KDM4C: variants seen among roughly 807,000 people sequenced by gnomAD.
The protein encoded by KDM4C is lysine-specific demethylase 4C.
A neutral mutation model predicts 129.3 loss-of-function variants in KDM4C; 81 were observed. That is an observed-to-expected ratio of 0.63 (90% CI 0.52 to 0.75). KDM4C has a LOEUF of 0.75. Among genes scored for constraint, KDM4C ranks in the 30% least tolerant of loss-of-function variants. KDM4C has a pLI of 0.00. For missense variants in KDM4C, 1,457 were observed against 1,304.0 expected, an observed-to-expected ratio of 1.12 and a Z score of -1.81; for synonymous variants, 573 against 456.1, an observed-to-expected ratio of 1.26 and a Z score of -3.26.
intron 15 of KDM4C, among the ~76,000 whole-genome samples, chr9:7,033,369 A>G (rs1310333192): frequency 5.9e-5 from 9 of 151,506 alleles, no homozygotes; most frequent in Non-Finnish European, 1.5e-5. Flanking sequence ...ACTGGACAGG[A>G]CTCTCCTCTC....
In KDM4C at chr9:6,941,168, C is replaced by G. The variant is rs559096285; in HGVS notation, c.922-39757C>G. On this transcript the variant is annotated intron_variant, in intron 8 of 21. Transcript: ENST00000381309. ...GCCTCAGCCTCCCAAGCCACCATGC[C>G]CAGCTAATTTTTGTATTTGTGGCAG... Among the ~76,000 whole-genome samples the G allele has an allele frequency of 3.9e-5, 6 of 152,130 alleles. No homozygotes were observed. The South Asian group carries it at 1.2e-3, about 32-fold the overall frequency.
intron 5 of KDM4C, among the ~76,000 whole-genome samples, chr9:6,868,808 G>C (rs1168150312): frequency 1.3e-5 from 2 of 151,972 alleles, no homozygotes; most frequent in East Asian, 1.9e-4. Flanking sequence ...TATATGTTGA[G>C]TATTTTGGAG....
chr9:6,974,740 C>G (rs746404135), intron 8 of KDM4C: 1 of 152,078 alleles, frequency 6.6e-6, no homozygotes, highest in Non-Finnish European at 1.5e-5. Context: ...GTGTGCAGAG[C>G]CCTATTTTTA....
At chr9:6,923,544 C>G (rs1821931716) in intron 8 of KDM4C, among the ~76,000 whole-genome samples, 1 of 152,158 alleles carries the variant, frequency 6.6e-6, no homozygotes, top group Non-Finnish European at 1.5e-5. Context: ...CAAACTTTTA[C>G]TTTCCATGAA....
chr9:7,126,820 T>A (rs1299549221), intron 18 of KDM4C, among the ~76,000 whole-genome samples: 3 of 150,712 alleles, frequency 2.0e-5, no homozygotes, highest in African/African-American at 4.9e-5. Context: ...TCCTGAAACA[T>A]CTTATCAGAC....
At chr9:6,996,032 A>G (rs1053891346) in intron 12 of KDM4C, among the ~76,000 whole-genome samples, 2 of 152,204 alleles carry the variant, frequency 1.3e-5, no homozygotes, top group African/African-American at 4.8e-5. Context: ...ACATGGATAT[A>G]CTGCATAGTG....
intron 4 of KDM4C, among the ~76,000 whole-genome samples, chr9:6,837,084 G>T (rs554265889): frequency 3.3e-4 from 50 of 152,146 alleles, no homozygotes; most frequent in African/African-American, 1.1e-3. Context: ...TTAAGACAGG[G>T]TCTTGCCCTG....
At chr9:6,894,011 A>C (rs920735172) in intron 8 of KDM4C, among the ~76,000 whole-genome samples, 2 of 152,142 alleles carry the variant, frequency 1.3e-5, no homozygotes, top group Admixed American at 1.3e-4. Flanking sequence ...AGAGGATGTA[A>C]AGTTGACGTA....
At chr9:6,968,661 A>G (rs73397826) in intron 8 of KDM4C, among the ~76,000 whole-genome samples, 4,877 of 152,288 alleles carry the variant, frequency 0.032, 265 homozygotes, top group African/African-American at 0.11. Flanking sequence ...GGTTCGTTGA[A>G]AATAGGCTTC....
chr9:7,033,745 T>G (rs1363120029), intron 15 of KDM4C, among the ~76,000 whole-genome samples: 1 of 152,224 alleles, frequency 6.6e-6, no homozygotes, highest in Non-Finnish European at 1.5e-5. Flanking sequence ...GCTTCTTGAT[T>G]GAGAACAAAT....
At chr9:7,147,771 C>T (rs1842346582) in intron 19 of KDM4C, among the ~76,000 whole-genome samples, 1 of 152,182 alleles carries the variant, frequency 6.6e-6, no homozygotes, top group Non-Finnish European at 1.5e-5. Context: ...ATTAGCTGTG[C>T]AACCAGGCAA....
chr9:6,961,320 G>T (rs896065269), intron 8 of KDM4C, among the ~76,000 whole-genome samples: 1 of 152,122 alleles, frequency 6.6e-6, no homozygotes, highest in Non-Finnish European at 1.5e-5. Flanking sequence ...AGCACTAAAC[G>T]TGGGGTGGTG....
intron 5 of KDM4C, among the ~76,000 whole-genome samples, chr9:6,859,692 C>G (rs1840574735): frequency 6.6e-6 from 1 of 151,430 alleles, no homozygotes; most frequent in African/African-American, 2.4e-5. Flanking sequence ...GAAACCCCGT[C>G]TCTACTAAGA....
chr9:7,084,832 T>C (rs146554561), intron 17 of KDM4C, among the ~76,000 whole-genome samples: 1 of 152,208 alleles, frequency 6.6e-6, no homozygotes, highest in Non-Finnish European at 1.5e-5. Context: ...CAGTTCCTTA[T>C]AAAGATGAAC....
chr9:6,981,271 G>T (rs567222844), intron 9 of KDM4C, among the ~76,000 whole-genome samples, 153 bp downstream of exon 9: 1 of 152,084 alleles, frequency 6.6e-6, no homozygotes, highest in Non-Finnish European at 1.5e-5. Flanking sequence ...TAATTCTTAG[G>T]TGTGTAATAA....
chr9:6,749,288 G>C (rs1266657529), intron 1 of KDM4C, among the ~76,000 whole-genome samples: 2 of 152,108 alleles, frequency 1.3e-5, no homozygotes, highest in Non-Finnish European at 2.9e-5. Flanking sequence ...CAAAGTGCTG[G>C]GATTGCAGGC....
intron 8 of KDM4C, among the ~76,000 whole-genome samples, chr9:6,930,734 TTA>T (rs1823568126): frequency 7.1e-6 from 1 of 140,262 alleles, no homozygotes; most frequent in Non-Finnish European, 1.6e-5. Context: ...AATATAATAA[TTA>T]TATTATTATG....
chr9:7,123,693 G>A (rs2133312528), intron 18 of KDM4C, among the ~76,000 whole-genome samples: 1 of 152,344 alleles, frequency 6.6e-6, no homozygotes, highest in African/African-American at 2.4e-5. Flanking sequence ...TGTGGCCAGG[G>A]TCTTAAGAGA....
rs117250755 is a variant in KDM4C at position 6,981,826 on chromosome 9, A to C, written c.1115+708A>C. On this transcript the variant is annotated intron_variant, in intron 9 of 21. Coordinates refer to ENST00000381309, the MANE Select transcript of KDM4C (RefSeq NM_015061.6). ...TAAATTTTCCTCTTCAATATTACTC[A>C]TTGTTTTTCTTTCAGATTATAAAAG... The C allele has an allele frequency of 3.8e-3, 1,038 of 274,940 alleles. 5 individuals carry two copies. The highest frequency in any genetic ancestry group is 5.1e-3 in the Non-Finnish European group (590 of 115,542). The allele number at this position is 274,940 out of a possible 1,614,324, so 17.0% of individuals were successfully genotyped here.
Sources: gnomAD v4.1 joint callset for allele counts (sites outside exome capture counted in the v4.1 genomes callset) on GRCh38, gnomAD v4.1.1 for gene constraint, MANE v1.5 for transcripts, NCBI Gene and HGNC (gene_info 2026-07-23, HGNC 2026-07-21) for gene names.